The following PTPRZ1 variants were observed in gnomAD, a reference collection of about 807,000 sequenced individuals.
PTPRZ1 encodes the protein receptor-type tyrosine-protein phosphatase zeta.
PTPRZ1 carries 82 observed loss-of-function variants against 214.1 expected under a neutral mutation model. That is an observed-to-expected ratio of 0.38 (90% CI 0.32 to 0.46). The LOEUF is 0.46. Ranked by LOEUF, PTPRZ1 falls within the 20% of genes least tolerant of loss-of-function variation. PTPRZ1 has a pLI of 1.00. For missense variants in PTPRZ1, 2,603 were observed against 2,748.7 expected, an observed-to-expected ratio of 0.95 and a Z score of 1.19; for synonymous variants, 945 against 987.9, an observed-to-expected ratio of 0.96 and a Z score of 0.81.
At chr7:122,019,532 T>C (rs1217096441) in intron 13 of PTPRZ1, among the ~76,000 whole-genome samples, 1 of 152,206 alleles carries the variant, frequency 6.6e-6, no homozygotes, top group Non-Finnish European at 1.5e-5. Context: ...CATGTTAATC[T>C]AATTAATAGA....
In PTPRZ1 at chr7:121,938,067, TTATC is replaced by T. The variant is rs536472324; in HGVS notation, c.124+9850_124+9853del. 1.1e-4 allele frequency among the ~76,000 whole-genome samples: 16 copies of T among 152,306 alleles called. No homozygotes were observed. In the South Asian group the frequency reaches 1.9e-3, roughly 18 times the overall value. On this transcript the variant is annotated intron_variant, in intron 2 of 29. Coordinates refer to ENST00000393386, the MANE Select transcript of PTPRZ1 (RefSeq NM_002851.3). The stretch of plus-strand genomic sequence containing the variant: ...TACCTATCTATTAATATCTATCTAT[TTATC>T]TATATAATTTCACCTTCCAGAGATA...
Position 121,949,749 on chromosome 7 carries a change from C to T in PTPRZ1, c.125-18202C>T, listed in dbSNP as rs373027301. Among the ~76,000 whole-genome samples, 150 of 152,182 alleles carry T rather than the reference C, an allele frequency of 9.9e-4. 3 individuals carry two copies. The South Asian group carries it at 0.03, about 30-fold the overall frequency. On this transcript the variant is annotated intron_variant, in intron 2 of 29. Transcript: ENST00000393386. Reference sequence around the variant, plus strand: ...GCCTTCATATGGAAAAATAACTAAGCATTTTGGATGGCCCCCAGTAGGTAC... The same window carrying T: ...GCCTTCATATGGAAAAATAACTAAGTATTTTGGATGGCCCCCAGTAGGTAC...
chr7:121,947,674 A>G (rs1437232995), intron 2 of PTPRZ1, among the ~76,000 whole-genome samples: 2 of 152,190 alleles, frequency 1.3e-5, no homozygotes, highest in Non-Finnish European at 2.9e-5. Context: ...CAGCGGTTCT[A>G]ACTAAAATAA....
intron 1 of PTPRZ1, among the ~76,000 whole-genome samples, chr7:121,922,112 G>C (rs1476742769): frequency 6.6e-6 from 1 of 152,166 alleles, no homozygotes; most frequent in Non-Finnish European, 1.5e-5. Flanking sequence ...TACTTGGAAA[G>C]TTTGTCTTAG....
At position 122,013,355 on chromosome 7, in the gene PTPRZ1, T is replaced by C. The variant is rs772534502; in HGVS notation, c.4309T>C (p.Leu1437=). The C allele has an allele frequency of 6.2e-7, 1 of 1,614,140 alleles. No individual in the cohort carries two copies. Among genetic ancestry groups the C allele is most frequent in the Non-Finnish European group, 8.5e-7 (1 of 1,180,022 alleles). The change falls in exon 12 of 30, where the codon TTA becomes CTA. Residue 1437 remains leucine, a synonymous_variant. Transcript: ENST00000393386. ...TGATGATGACAGAGGTAGTGATGGC[T>C]TATCCATTCATAAGTGTATGTCATG... ...DDDDDRGSDG[L]SIHKCMSCSS...
At chr7:122,016,744 T>C (rs1798854280) in intron 12 of PTPRZ1, among the ~76,000 whole-genome samples, 1 of 151,686 alleles carries the variant, frequency 6.6e-6, no homozygotes, top group African/African-American at 2.4e-5. Flanking sequence ...ATGCTATACA[T>C]ATATAAATGA....
chr7:121,923,158 T>A (rs1795651196), intron 1 of PTPRZ1, among the ~76,000 whole-genome samples: 1 of 152,188 alleles, frequency 6.6e-6, no homozygotes, highest in African/African-American at 2.4e-5. Context: ...TGCCTTTTCT[T>A]CTACCTGGAA....
intron 23 of PTPRZ1, among the ~76,000 whole-genome samples, chr7:122,050,368 A>G (rs1003146532): frequency 1.1e-5 from 1 of 94,284 alleles, no homozygotes; most frequent in African/African-American, 4.3e-5. Flanking sequence ...TCATGAGCAC[A>G]GGAGATTGAA....
At chr7:121,926,832 A>G (rs957193046) in intron 1 of PTPRZ1, among the ~76,000 whole-genome samples, 3 of 152,208 alleles carry the variant, frequency 2.0e-5, no homozygotes, top group African/African-American at 7.2e-5. Context: ...ATTGTAAAAT[A>G]TAGATTTATG....
At chr7:121,975,474 C>T (rs1229057860) in intron 4 of PTPRZ1, among the ~76,000 whole-genome samples, 1 of 152,120 alleles carries the variant, frequency 6.6e-6, no homozygotes, top group African/African-American at 2.4e-5. Flanking sequence ...GGTGACTCGC[C>T]CAAAGCAGGA....
At chr7:122,022,509 G>A (rs547646814) in intron 13 of PTPRZ1, among the ~76,000 whole-genome samples, 2 of 152,200 alleles carry the variant, frequency 1.3e-5, no homozygotes, top group African/African-American at 4.8e-5. Context: ...GGCCTCCAAA[G>A]CTGAAAGAGG....
chr7:121,935,723 A>G (rs1796067826), intron 2 of PTPRZ1, among the ~76,000 whole-genome samples: 1 of 151,788 alleles, frequency 6.6e-6, no homozygotes, highest in African/African-American at 2.4e-5. Context: ...GCCCGCCACC[A>G]CATCCCGGCT....
At chr7:122,047,035 A>C (rs927180946) in intron 23 of PTPRZ1, among the ~76,000 whole-genome samples, 6 of 152,214 alleles carry the variant, frequency 3.9e-5, no homozygotes, top group African/African-American at 1.4e-4. Context: ...AAAATTCGGG[A>C]CAGCGGAATA....
intron 29 of PTPRZ1, 58 bp from the exon 30 acceptor site, chr7:122,061,022 A>G: frequency 6.8e-7 from 1 of 1,480,692 alleles, no homozygotes; most frequent in Non-Finnish European, 9.1e-7. Context: ...TCTTCTTTTT[A>G]CAAATGTATG....
At chr7:122,059,130 G>T (rs1300595892) in intron 28 of PTPRZ1, among the ~76,000 whole-genome samples, 188 bp downstream of exon 28, 2 of 150,744 alleles carry the variant, frequency 1.3e-5, no homozygotes, top group Admixed American at 6.6e-5. Flanking sequence ...TGAAGTCCCT[G>T]TTGAAGACAG....
chr7:121,959,249 T>C (rs992632677), intron 2 of PTPRZ1, among the ~76,000 whole-genome samples: 1 of 152,222 alleles, frequency 6.6e-6, no homozygotes, highest in Admixed American at 6.5e-5. Flanking sequence ...CAGCCAGACT[T>C]GAAAAGATTT....
intron 8 of PTPRZ1, among the ~76,000 whole-genome samples, chr7:121,991,492 T>A (rs1797960148): frequency 6.6e-6 from 1 of 152,212 alleles, no homozygotes; most frequent in South Asian, 2.1e-4. Context: ...GCATAATATT[T>A]TGACCTATGA....
At chr7:122,026,208 G>A (rs1317906655) in intron 13 of PTPRZ1, among the ~76,000 whole-genome samples, 1 of 152,182 alleles carries the variant, frequency 6.6e-6, no homozygotes, top group African/African-American at 2.4e-5. Context: ...CCTTCTCACT[G>A]AAGGTATTCA....
At chr7:122,000,058 A>G (rs1798271947) in intron 10 of PTPRZ1, among the ~76,000 whole-genome samples, 1 of 152,152 alleles carries the variant, frequency 6.6e-6, no homozygotes, top group Admixed American at 6.5e-5. Context: ...ATTTGATTTG[A>G]TGTTTTGATA....
Sources: allele counts gnomAD v4.1 joint callset (sites outside exome capture counted in the v4.1 genomes callset), GRCh38; gene constraint gnomAD v4.1.1; transcripts MANE v1.5; gene names NCBI Gene and HGNC (gene_info 2026-07-23, HGNC 2026-07-21).